Variants in MYO10 observed in about 807,000 individuals in gnomAD.
MYO10 encodes unconventional myosin-X.
Under a neutral mutation model 257.3 loss-of-function variants are expected in MYO10, and 133 were observed. The ratio of observed to expected loss-of-function variants is 0.52; its 90% CI spans 0.45 to 0.60. MYO10 has a LOEUF of 0.60. Ranked by LOEUF, MYO10 falls within the 20% of genes least tolerant of loss-of-function variation. The pLI is 0.00. For synonymous variants in MYO10, 1,104 were observed against 1,028.6 expected, an observed-to-expected ratio of 1.07 and a Z score of -1.40; for missense variants, 2,399 against 2,635.7, an observed-to-expected ratio of 0.91 and a Z score of 1.97.
rs147336466 is a variant in MYO10, at chr5:16,885,902, C to G, written c.22-8195G>C. The stretch of plus-strand genomic sequence containing the variant: ...GACCTGAAGTGGTAGCAGCCAGTCC[C>G]CAAGCATCCCTGGACACCCAGGCAT... On this transcript the variant is annotated intron_variant, in intron 1 of 40. Transcript: ENST00000513610. 4.8e-3 allele frequency among the ~76,000 whole-genome samples: 735 copies of G among 152,208 alleles called. 13 individuals carry two copies. Among genetic ancestry groups the G allele is most frequent in the African/African-American group, 0.017 (708 of 41,530 alleles).
At chr5:16,911,894 C>A (rs138648703) in intron 1 of MYO10, among the ~76,000 whole-genome samples, 3 of 151,852 alleles carry the variant, frequency 2.0e-5, no homozygotes, top group African/African-American at 7.3e-5. Flanking sequence ...AAAAATTAGC[C>A]GGGTGTGGTG....
intron 19 of MYO10, among the ~76,000 whole-genome samples, chr5:16,741,096 G>GAACACCAT (rs1325270309): frequency 6.6e-6 from 1 of 152,124 alleles, no homozygotes; most frequent in Non-Finnish European, 1.5e-5. Flanking sequence ...GACATCAACT[G>GAACACCAT]AACACCATTC....
At chr5:16,787,684 G>T (rs1399423511) in intron 4 of MYO10, among the ~76,000 whole-genome samples, 4 of 81,272 alleles carry the variant, frequency 4.9e-5, no homozygotes, top group Non-Finnish European at 1.1e-4. Flanking sequence ...AAGCACTGAT[G>T]GGGGGCCACA....
chr5:16,854,039 C>T (rs1302772554), intron 2 of MYO10: 1 of 152,064 alleles, frequency 6.6e-6, no homozygotes, highest in East Asian at 1.9e-4. Flanking sequence ...CGTCTGATCT[C>T]GTGAAGCTAA....
intron 19 of MYO10, among the ~76,000 whole-genome samples, chr5:16,750,273 G>C (rs888845233): frequency 2.0e-5 from 3 of 152,012 alleles, no homozygotes; most frequent in African/African-American, 7.2e-5. Context: ...CCCAAGATTA[G>C]TAAAAGGCTG....
intron 2 of MYO10, among the ~76,000 whole-genome samples, chr5:16,846,505 G>A (rs1743639972): frequency 6.6e-6 from 1 of 152,170 alleles, no homozygotes. Context: ...AAGAGCGCAG[G>A]CTTCACTGAT....
At chr5:16,689,722 A>G (rs1221549256) in intron 28 of MYO10, 102 bp downstream of exon 28, 2 of 936,246 alleles carry the variant, frequency 2.1e-6, no homozygotes, top group Admixed American at 4.9e-5. Flanking sequence ...GTCAATTAAA[A>G]TTTTTCAAGG....
At chr5:16,831,447 T>C (rs1019041340) in intron 2 of MYO10, among the ~76,000 whole-genome samples, 11 of 150,590 alleles carry the variant, frequency 7.3e-5, no homozygotes, top group African/African-American at 2.7e-4. Flanking sequence ...CAATTCGCAA[T>C]TGCAACAATG....
intron 1 of MYO10, among the ~76,000 whole-genome samples, chr5:16,900,374 G>A (rs1263353090): frequency 6.6e-6 from 1 of 152,126 alleles, no homozygotes; most frequent in Non-Finnish European, 1.5e-5. Flanking sequence ...AGCGGTCTAA[G>A]GCAAATGTGT....
At chr5:16,723,772 T>C (rs1316433634) in intron 19 of MYO10, among the ~76,000 whole-genome samples, 1 of 152,196 alleles carries the variant, frequency 6.6e-6, no homozygotes, top group Non-Finnish European at 1.5e-5. Context: ...CAATGAAATA[T>C]TATTCAAAAG....
chr5:16,810,621 C>G (rs1742407224), intron 3 of MYO10, among the ~76,000 whole-genome samples: 1 of 152,026 alleles, frequency 6.6e-6, no homozygotes, highest in Non-Finnish European at 1.5e-5. Flanking sequence ...TAGCAAGATC[C>G]CAGTCTTGAC....
intron 9 of MYO10, among the ~76,000 whole-genome samples, chr5:16,777,335 A>C (rs1741249361): frequency 6.6e-6 from 1 of 152,302 alleles, no homozygotes; most frequent in East Asian, 1.9e-4. Context: ...AGTGGAAAAC[A>C]ATCATGTATA....
rs568082839 is a variant in MYO10 at position 16,797,609 on chromosome 5, C to A, written c.280-2776G>T. Among the ~76,000 whole-genome samples, 34 of 152,228 alleles carry A rather than the reference C, an allele frequency of 2.2e-4. No homozygotes were observed. The South Asian group carries it at 6.9e-3, about 31-fold the overall frequency. ...CATCAGATGAATGGATGTGGCATAC[C>A]CACACCATGTAATATTACTTAGCCA... On this transcript the variant is annotated intron_variant, in intron 3 of 40. Transcript: ENST00000513610.
At chr5:16,921,454 A>G (rs1329555791) in intron 1 of MYO10, among the ~76,000 whole-genome samples, 1 of 152,150 alleles carries the variant, frequency 6.6e-6, no homozygotes, top group African/African-American at 2.4e-5. Flanking sequence ...AACTGAACAC[A>G]TGACTCAGAC....
chr5:16,796,750 C>T (rs1049417975), intron 3 of MYO10, among the ~76,000 whole-genome samples: 5 of 152,186 alleles, frequency 3.3e-5, no homozygotes, highest in Non-Finnish European at 7.3e-5. Flanking sequence ...GCTTTATGGG[C>T]TGTTAAGGGC....
chr5:16,932,093 A>T (rs1196089111), intron 1 of MYO10, among the ~76,000 whole-genome samples: 1 of 152,224 alleles, frequency 6.6e-6, no homozygotes, highest in Non-Finnish European at 1.5e-5. Flanking sequence ...ATCCAGAGTG[A>T]ACCAGACTGG....
chr5:16,896,606 G>GAA (rs1745225615), intron 1 of MYO10, among the ~76,000 whole-genome samples: 1 of 151,998 alleles, frequency 6.6e-6, no homozygotes, highest in African/African-American at 2.4e-5. Flanking sequence ...AAAAAGAAAA[G>GAA]AAAAAGGAAA....
In MYO10 at chr5:16,668,066, T is replaced by C. The variant is rs531739416; in HGVS notation, c.6075+211A>G. On this transcript the variant is annotated intron_variant, in intron 40 of 40. Coordinates refer to ENST00000513610, the MANE Select transcript of MYO10 (RefSeq NM_012334.3). ...TTGGCAAAATGGAACCAGATTCCTCTGTTGCAAAAGTATACAAAAAAAATA... is the reference window on the plus strand; with the variant it reads ...TTGGCAAAATGGAACCAGATTCCTCCGTTGCAAAAGTATACAAAAAAAATA... Among the ~76,000 whole-genome samples the C allele has an allele frequency of 3.9e-5, 6 of 152,294 alleles. No individual in the cohort carries two copies. In the East Asian group the frequency reaches 1.2e-3, roughly 29 times the overall value.
intron 19 of MYO10, among the ~76,000 whole-genome samples, chr5:16,718,660 G>C (rs556591562): frequency 5.1e-4 from 78 of 152,006 alleles, no homozygotes; most frequent in African/African-American, 1.8e-3. Flanking sequence ...TTAGCTCAAG[G>C]TTTGTGAGTG....
Sources: gnomAD v4.1 joint callset for allele counts (sites outside exome capture counted in the v4.1 genomes callset) on GRCh38, gnomAD v4.1.1 for gene constraint, MANE v1.5 for transcripts, NCBI Gene and HGNC (gene_info 2026-07-23, HGNC 2026-07-21) for gene names.